Variants in SYNPO2L observed in about 807,000 individuals in gnomAD.
The protein encoded by SYNPO2L is synaptopodin 2-like protein.
SYNPO2L carries 34 observed loss-of-function variants against 47.5 expected under a neutral mutation model. That is an observed-to-expected ratio of 0.72 (90% CI 0.54 to 0.95). The LOEUF is 0.95. Among genes scored for constraint, SYNPO2L ranks in the 40% least tolerant of loss-of-function variants. The pLI is 0.00. For synonymous variants in SYNPO2L, 536 were observed against 524.9 expected (o/e 1.02, Z -0.29); for missense variants, 1,246 against 1,282.0 (o/e 0.97, Z 0.43).
In SYNPO2L at chr10:73,646,490, CAGAGACAAAG is replaced by C. The variant is rs1471867868; in HGVS notation, c.*218_*227del. Reference sequence around the variant, plus strand: ...AGACAGAGATCCAGGAAAGGAAATGCAGAGACAAAGAGAGGCAAAGATACCAAAGCAGACA... The same window carrying C: ...AGACAGAGATCCAGGAAAGGAAATGCAGAGGCAAAGATACCAAAGCAGACA... On this transcript the variant is annotated 3_prime_UTR_variant, in exon 4 of 4. Coordinates refer to ENST00000394810, the MANE Select transcript of SYNPO2L (RefSeq NM_001114133.3). The C allele has an allele frequency of 8.1e-7, 1 of 1,227,742 alleles. No individual in the cohort carries two copies. Among genetic ancestry groups the C allele is most frequent in the African/African-American group, 1.6e-5 (1 of 64,164 alleles). 76.1% of individuals were successfully genotyped at this position (1,227,742 alleles called of 1,614,324 possible).
chr10:73,644,909 T>G lies in SYNPO2L; in HGVS notation c.*1809A>C, dbSNP rs2081730280. The G allele has an allele frequency of 1.1e-6, 1 of 889,482 alleles. No homozygotes were observed. Among genetic ancestry groups the G allele is most frequent in the Non-Finnish European group, 1.5e-6 (1 of 662,150 alleles). 55.1% of individuals were successfully genotyped at this position (889,482 alleles called of 1,614,324 possible). A position where few individuals can be genotyped will look rare whatever the true frequency, so the allele number is the denominator to read the frequency against. On this transcript the variant is annotated 3_prime_UTR_variant, in exon 4 of 4. Transcript: ENST00000394810. ...GGTATGGGGCATAAATTTATTCTTG[T>G]GCACAAACCAAAGTATTGTGACTCA...
At position 73,645,595 on chromosome 10, in the gene SYNPO2L, T is replaced by C. The variant is rs2081738292; in HGVS notation, c.*1123A>G. 2.0e-6 allele frequency: 2 copies of C among 987,004 alleles called. No homozygotes were observed. The highest frequency in any genetic ancestry group is 2.4e-6 in the Non-Finnish European group (2 of 830,872). The allele number at this position is 987,004 out of a possible 1,614,324, so 61.1% of individuals were successfully genotyped here. On this transcript the variant is annotated 3_prime_UTR_variant, in exon 4 of 4. Transcript: ENST00000394810. ...GCTAACTTTTTGAAATCCTGAGGTA[T>C]AGAATTCTTTGTTCTATTCCTGGTC...
At chr10:73,649,253 C>T (rs779358672) in intron 3 of SYNPO2L, among the ~76,000 whole-genome samples, 3 of 152,058 alleles carry the variant, frequency 2.0e-5, no homozygotes, top group Non-Finnish European at 2.9e-5. Flanking sequence ...TGTCACTCTC[C>T]GTGGCAGACA....
In SYNPO2L at chr10:73,655,909, TC is replaced by T; in HGVS notation, c.13del (p.Glu5ArgfsTer66). 1 of 1,550,882 alleles carries T rather than the reference TC, an allele frequency of 6.4e-7. No homozygotes were observed. Among genetic ancestry groups the T allele is most frequent in the Middle Eastern group, 1.7e-4 (1 of 5,984 alleles). MGAE[E>X]EVLVTLSGGA... ...CCCTGATAGTGTGACCAGCACCTCC[TC>T]CTCAGCACCCATCGCTCAGCTTGGC... On this transcript the variant is annotated frameshift_variant, in exon 1 of 4. Transcript: ENST00000394810. LOFTEE classifies it high-confidence loss of function.
intron 3 of SYNPO2L, among the ~76,000 whole-genome samples, chr10:73,650,501 G>A (rs900856996): frequency 6.6e-6 from 1 of 152,206 alleles, no homozygotes; most frequent in Non-Finnish European, 1.5e-5. Flanking sequence ...AGGATTAACT[G>A]AGATAATATA....
Position 73,648,407 on chromosome 10 carries a change from G to A in SYNPO2L, c.1245C>T (p.Asn415=). 1.2e-6 allele frequency: 2 copies of A among 1,607,630 alleles called. No individual in the cohort carries two copies. Among genetic ancestry groups the A allele is most frequent in the African/African-American group, 1.3e-5 (1 of 75,034 alleles). ...GAGGTGGTGACTGCAGGCCTTCCCC[G>A]TTGAGCATGGCTGCTGGTTCGACCC... The part of the protein sequence containing the change: ...LARVEPAAML[N]GEGLQSPPRA... Residue 415 remains asparagine, a synonymous_variant, in exon 4 of 4, where the codon AAC becomes AAT. Coordinates refer to ENST00000394810, the MANE Select transcript of SYNPO2L (RefSeq NM_001114133.3).
Position 73,653,138 on chromosome 10 carries a change from C to T in SYNPO2L, c.772+1G>A. 1 of 1,446,906 alleles carries T rather than the reference C, an allele frequency of 6.9e-7. No homozygotes were observed. The allele number at this position is 1,446,906 out of a possible 1,614,324, so 89.6% of individuals were successfully genotyped here. ...TGGGGAAAAGGGGTTCAGGCACTCA[C>T]TGGCTTGCTTGGCCTTCTGGGTGTA... On this transcript the variant is annotated splice_donor_variant, in intron 3 of 3. Coordinates refer to ENST00000394810, the MANE Select transcript of SYNPO2L (RefSeq NM_001114133.3). LOFTEE classifies it high-confidence loss of function.
chr10:73,650,928 A>G (rs756752983), intron 3 of SYNPO2L: 1 of 1,613,448 alleles, frequency 6.2e-7, no homozygotes, highest in South Asian at 1.1e-5. Flanking sequence ...CGAGTCTTGG[A>G]GCTCAGGAAC....
chr10:73,650,807 C>A (rs576854603), intron 3 of SYNPO2L: 1 of 1,372,316 alleles, frequency 7.3e-7, no homozygotes. Flanking sequence ...CAAAAAGGAA[C>A]AAGAGAGTAA....
At position 73,645,194 on chromosome 10, in the gene SYNPO2L, CACCA is replaced by C; in HGVS notation, c.*1520_*1523del. The C allele has an allele frequency of 6.1e-6, 7 of 1,154,158 alleles. No homozygotes were observed. In the South Asian group the frequency reaches 1.1e-4, roughly 18 times the overall value. 71.5% of individuals were successfully genotyped at this position (1,154,158 alleles called of 1,614,324 possible). A position where few individuals can be genotyped will look rare whatever the true frequency, so the allele number is the denominator to read the frequency against. On this transcript the variant is annotated 3_prime_UTR_variant, in exon 4 of 4. Coordinates refer to ENST00000394810, the MANE Select transcript of SYNPO2L (RefSeq NM_001114133.3). ...ACAGACTCAAGGAAAATCACACAGACACCAACCGTTCTTTCAACACTCAGCACAC... is the reference window on the plus strand; with the variant it reads ...ACAGACTCAAGGAAAATCACACAGACACCGTTCTTTCAACACTCAGCACAC...
Position 73,647,016 on chromosome 10 carries a change from G to C in SYNPO2L, c.2636C>G (p.Pro879Arg). ...PTPGPIASGS[P>R]KTARVQEIRR... ...AATCTCCTGGACTCGGGCAGTTTTG[G>C]GGGACCCTGAGGCGATAGGGCCAGG... Residue 879 changes from proline to arginine, a missense_variant, in exon 4 of 4, where the codon CCC becomes CGC. Transcript: ENST00000394810. 1.9e-6 allele frequency: 3 copies of C among 1,613,628 alleles called. No homozygotes were observed. Among genetic ancestry groups the C allele is most frequent in the Non-Finnish European group, 2.5e-6 (3 of 1,179,614 alleles).
Position 73,647,389 on chromosome 10 carries a change from G to A in SYNPO2L, c.2263C>T (p.Gln755Ter). 6.2e-7 allele frequency: 1 copy of A among 1,613,882 alleles called. No individual in the cohort carries two copies. Among genetic ancestry groups the A allele is most frequent in the South Asian group, 1.1e-5 (1 of 91,070 alleles). Residue 755 changes from glutamine to a stop codon, truncating the protein, a stop_gained, in exon 4 of 4, where the codon CAG becomes TAG. Transcript: ENST00000394810. LOFTEE classifies it high-confidence loss of function. Reference sequence around the variant, plus strand: ...GCAAACAGCTCCCCACCCCTGCCCTGCAGCCTTGGTGGCTCAGGGATTCCA... The same window carrying A: ...GCAAACAGCTCCCCACCCCTGCCCTACAGCCTTGGTGGCTCAGGGATTCCA... ...SAGIPEPPRLQGRGGELFAKR... is the reference protein window; with the variant it reads ...SAGIPEPPRL
At position 73,654,159 on chromosome 10, in the gene SYNPO2L, G is replaced by A; in HGVS notation, c.227C>T (p.Ser76Leu). 1.3e-6 allele frequency: 2 copies of A among 1,551,688 alleles called. No homozygotes were observed. Among genetic ancestry groups the A allele is most frequent in the Non-Finnish European group, 1.7e-6 (2 of 1,146,976 alleles). The change falls in exon 2 of 4, where the codon TCA becomes TTA. Residue 76 changes from serine (S) to leucine (L), a missense_variant. Around this residue, in one of 3 missense-constraint regions of SYNPO2L, gnomAD observed 148 missense variants for 204.8 expected, o/e 0.72. Coordinates refer to ENST00000394810, the MANE Select transcript of SYNPO2L (RefSeq NM_001114133.3). ...HASAMSLIDASGNQLVLTVQR... is the reference protein window; with the variant it reads ...HASAMSLIDALGNQLVLTVQR... Reference sequence around the variant, plus strand: ...CACAGTGAGGACAAGCTGATTTCCTGAGGCATCGATGAGGCTCATGGCACT... The same window carrying A: ...CACAGTGAGGACAAGCTGATTTCCTAAGGCATCGATGAGGCTCATGGCACT...
rs1483623292 is a variant in SYNPO2L at position 73,646,258 on chromosome 10, G to T, written c.*460C>A. On this transcript the variant is annotated 3_prime_UTR_variant, in exon 4 of 4. Transcript: ENST00000394810. ...CCAGTCAAGCTTGGGAAAGCAGAGT[G>T]GGGGGTGGGGGTGGCTTAGTGCAAA... The T allele has an allele frequency of 6.0e-6, 6 of 992,484 alleles. No individual in the cohort carries two copies. Among genetic ancestry groups the T allele is most frequent in the Non-Finnish European group, 6.0e-6 (5 of 835,292 alleles). The allele number at this position is 992,484 out of a possible 1,614,324, so 61.5% of individuals were successfully genotyped here.
At chr10:73,651,451 C>G (rs146380293) in intron 3 of SYNPO2L, among the ~76,000 whole-genome samples, 67 of 152,108 alleles carry the variant, frequency 4.4e-4, no homozygotes, top group African/African-American at 1.5e-3. Context: ...GATCAGGAAT[C>G]AAAATGGTGG....
chr10:73,654,861 A>T (rs1189199122), intron 1 of SYNPO2L, among the ~76,000 whole-genome samples: 8 of 152,122 alleles, frequency 5.3e-5, no homozygotes, highest in Admixed American at 5.2e-4. Context: ...AAAGAAAAAA[A>T]ACGGAAAGAA....
intron 3 of SYNPO2L, chr10:73,650,152 C>G (rs1342577868): frequency 1.0e-6 from 1 of 985,316 alleles, no homozygotes; most frequent in African/African-American, 1.7e-5. Flanking sequence ...GGTCCATGGT[C>G]CCCAGTTCCT....
In SYNPO2L at chr10:73,653,604, C is replaced by A. The variant is rs1220123275; in HGVS notation, c.307G>T (p.Val103Leu). 2 of 1,551,214 alleles carry A rather than the reference C, an allele frequency of 1.3e-6. No individual in the cohort carries two copies. The highest frequency in any genetic ancestry group is 1.7e-6 in the Non-Finnish European group (2 of 1,146,460). The change falls in exon 3 of 4, where the codon GTG (valine) becomes TTG (leucine). Residue 103 changes from valine to leucine, a missense_variant. By Grantham distance (32) the Val-to-Leu change is conservative. Coordinates refer to ENST00000394810, the MANE Select transcript of SYNPO2L (RefSeq NM_001114133.3). ...CTTAGTGGAGATAAGGGTGACAGCACCTGAAGCTCATGGGGAGATGGAGAT... is the reference window on the plus strand; with the variant it reads ...CTTAGTGGAGATAAGGGTGACAGCAACTGAAGCTCATGGGGAGATGGAGAT... ...VQSPSPHELQ[V>L]LSPLSPLSPE...
chr10:73,650,264 T>C (rs1330614513), intron 3 of SYNPO2L: 1 of 984,640 alleles, frequency 1.0e-6, no homozygotes, highest in African/African-American at 1.7e-5. Context: ...TCCTTTGTAA[T>C]GAGCGTGGTA....
Sources: gnomAD v4.1 joint callset for allele counts (sites outside exome capture counted in the v4.1 genomes callset) on GRCh38, gnomAD v4.1.1 for gene constraint, gnomAD v4.1.1 regional missense constraint, MANE v1.5 for transcripts, NCBI Gene and HGNC (gene_info 2026-07-23, HGNC 2026-07-21) for gene names.